The following TAS2R1 variants were observed in gnomAD, a reference collection of about 807,000 sequenced individuals.
TAS2R1 encodes taste 2 receptor member 1.
For missense variants in TAS2R1, 370 were observed against 353.4 expected (o/e 1.05, Z -0.38); for synonymous variants, 141 against 134.2 (o/e 1.05, Z -0.35).
chr5:9,882,699 T>C, the TAS2R1 span, among the ~76,000 whole-genome samples: 1 of 152,066 alleles, frequency 6.6e-6, no homozygotes, highest in Non-Finnish European at 1.5e-5. Context: ...TGTGGAGAAA[T>C]AGGAACGCTT....
At chr5:9,795,485 T>C in the TAS2R1 span, among the ~76,000 whole-genome samples, 13 of 152,040 alleles carry the variant, frequency 8.6e-5, no homozygotes, top group Non-Finnish European at 1.5e-4. Flanking sequence ...AATTGCCTTC[T>C]ACCTCCAAGA....
chr5:9,781,723 A>G, the TAS2R1 span, among the ~76,000 whole-genome samples: 2,544 of 152,286 alleles, frequency 0.017, 64 homozygotes, highest in African/African-American at 0.055. Context: ...TCTGCCTGGG[A>G]TCTGCTTCTC....
In TAS2R1 at chr5:9,629,027, C is replaced by G. The variant is rs567671823; in HGVS notation, c.*106G>C. 62 of 1,194,856 alleles carry G rather than the reference C, an allele frequency of 5.2e-5. 2 individuals are homozygous for G. The South Asian group carries it at 1.1e-3, about 21-fold the overall frequency. 74.0% of individuals were successfully genotyped at this position (1,194,856 alleles called of 1,614,324 possible). ...GCTGGATAAACAGGCCTGAAGGGGA[C>G]ATGTTGTATATTTATGAACAGGCTG... On this transcript the variant is annotated 3_prime_UTR_variant, in exon 1 of 1. Transcript: ENST00000382492.
the TAS2R1 span, among the ~76,000 whole-genome samples, chr5:9,772,686 G>A: frequency 6.6e-6 from 1 of 151,968 alleles, no homozygotes; most frequent in East Asian, 1.9e-4. Flanking sequence ...TTCCAGTGTT[G>A]GGTGCATATG....
chr5:9,684,027 T>C (rs1447308771), intron 1 of TAS2R1, among the ~76,000 whole-genome samples: 1 of 152,188 alleles, frequency 6.6e-6, no homozygotes, highest in Non-Finnish European at 1.5e-5. Context: ...AAGTGGAGGT[T>C]TGAGCAATCC....
At chr5:9,675,212 C>T (rs1740849784) in intron 1 of TAS2R1, among the ~76,000 whole-genome samples, 1 of 150,594 alleles carries the variant, frequency 6.6e-6, no homozygotes, top group African/African-American at 2.4e-5. Context: ...TCTATGTTCA[C>T]AGATTGGAAG....
At chr5:9,715,302 A>G (rs1734784984), upstream of TAS2R1, among the ~76,000 whole-genome samples, 1 of 152,218 alleles carries the variant, frequency 6.6e-6, no homozygotes, top group African/African-American at 2.4e-5. Context: ...CATAAAAGCC[A>G]GGGACCGAGG....
At chr5:9,895,395 T>C in the TAS2R1 span, among the ~76,000 whole-genome samples, 68 of 152,314 alleles carry the variant, frequency 4.5e-4, no homozygotes, top group Middle Eastern at 3.4e-3. Context: ...GGGACCGCCA[T>C]TGCCTTTGAA....
At chr5:9,893,994 C>T in the TAS2R1 span, among the ~76,000 whole-genome samples, 1 of 152,158 alleles carries the variant, frequency 6.6e-6, no homozygotes, top group East Asian at 1.9e-4. Flanking sequence ...AAAGTCCTAA[C>T]CCCCAGTACC....
chr5:9,679,296 C>T (rs1363939015), intron 1 of TAS2R1, among the ~76,000 whole-genome samples: 3 of 152,124 alleles, frequency 2.0e-5, no homozygotes, highest in Non-Finnish European at 4.4e-5. Context: ...TGACATTACG[C>T]ATTTCTAAAG....
chr5:9,703,125 G>A (rs1741527092), intron 1 of TAS2R1, among the ~76,000 whole-genome samples: 1 of 152,122 alleles, frequency 6.6e-6, no homozygotes, highest in Non-Finnish European at 1.5e-5. Flanking sequence ...ATTCTGGTCA[G>A]TGCCCATAAT....
the TAS2R1 span, among the ~76,000 whole-genome samples, chr5:9,728,662 G>A: frequency 2.5e-4 from 38 of 152,328 alleles, no homozygotes; most frequent in South Asian, 7.3e-3. Flanking sequence ...GGGAGTAAGG[G>A]ATAGAGAAGC....
intron 1 of TAS2R1, among the ~76,000 whole-genome samples, chr5:9,685,961 G>A (rs559879243): frequency 7.0e-4 from 107 of 152,274 alleles, no homozygotes; most frequent in African/African-American, 2.5e-3. Context: ...CACCTCCTGG[G>A]TTCAGGCAAT....
the TAS2R1 span, among the ~76,000 whole-genome samples, chr5:9,739,585 T>A: frequency 3.3e-5 from 5 of 152,364 alleles, no homozygotes; most frequent in East Asian, 9.6e-4. Context: ...TATTACATCT[T>A]AGTTGCTTAA....
the TAS2R1 span, among the ~76,000 whole-genome samples, chr5:9,853,888 C>G: frequency 6.6e-6 from 1 of 152,140 alleles, no homozygotes; most frequent in African/African-American, 2.4e-5. Context: ...TCTAAATCTA[C>G]CTCCCAATAA....
upstream of TAS2R1, among the ~76,000 whole-genome samples, chr5:9,635,210 A>G (rs1162173911): frequency 6.6e-6 from 1 of 151,826 alleles, no homozygotes; most frequent in Non-Finnish European, 1.5e-5. Flanking sequence ...TGATCATATG[A>G]TTTTTGTTTT....
chr5:9,797,654 A>C, the TAS2R1 span, among the ~76,000 whole-genome samples: 1 of 152,112 alleles, frequency 6.6e-6, no homozygotes, highest in Non-Finnish European at 1.5e-5. Flanking sequence ...AAATCCCAGG[A>C]ATCAGGAAAA....
At chr5:9,851,643 G>A in the TAS2R1 span, among the ~76,000 whole-genome samples, 133 of 152,132 alleles carry the variant, frequency 8.7e-4, no homozygotes, top group South Asian at 5.2e-3. Flanking sequence ...CACAGGATGC[G>A]GGGAAGCCAC....
rs369442647 is a variant in TAS2R1 at position 9,628,274 on chromosome 5, T to C, written c.*859A>G. On this transcript the variant is annotated 3_prime_UTR_variant, in exon 1 of 1. Transcript: ENST00000382492. ...CCACCCACCTACTGATGTTGCTTCA[T>C]TGGGAAGACAGGCAATGCAGGAGGA... is the stretch of plus-strand genomic sequence containing the variant. 3.9e-4 allele frequency among the ~76,000 whole-genome samples: 60 copies of C among 152,194 alleles called. No individual in the cohort carries two copies. In the South Asian group the frequency reaches 8.3e-3, roughly 21 times the overall value.
Sources: allele counts gnomAD v4.1 joint callset (sites outside exome capture counted in the v4.1 genomes callset), GRCh38; gene constraint gnomAD v4.1.1; transcripts MANE v1.5; gene names NCBI Gene and HGNC (gene_info 2026-07-23, HGNC 2026-07-21).